The following COL14A1 variants were observed in gnomAD, a reference collection of about 807,000 sequenced individuals.
COL14A1 encodes the protein collagen alpha-1(XIV) chain.
A neutral mutation model predicts 230.3 loss-of-function variants in COL14A1; 136 were observed. The ratio of observed to expected loss-of-function variants is 0.59; its 90% confidence interval spans 0.51 to 0.68. The LOEUF (loss-of-function observed/expected upper bound fraction) is 0.68. COL14A1 is among the 30% of genes least tolerant of loss of function. The pLI, the probability that COL14A1 is intolerant of heterozygous loss-of-function variation, is 0.00. For synonymous variants in COL14A1, 792 were observed against 784.1 expected (o/e 1.01, Z -0.17); for missense variants, 1,976 against 2,215.8 (o/e 0.89, Z 2.17).
chr8:120,217,314 G>A (rs1817784753), intron 14 of COL14A1, among the ~76,000 whole-genome samples: 1 of 152,144 alleles, frequency 6.6e-6, no homozygotes, highest in Non-Finnish European at 1.5e-5. Flanking sequence ...TAAAACCCAT[G>A]AAGATACAGT....
chr8:120,211,150 A>G (rs748279524), intron 12 of COL14A1, among the ~76,000 whole-genome samples: 9 of 152,174 alleles, frequency 5.9e-5, no homozygotes, highest in Non-Finnish European at 8.8e-5. Flanking sequence ...TTGAAGATAT[A>G]TACTACTTTT....
chr8:120,345,603 T>G lies in COL14A1; in HGVS notation c.5077+40T>G, dbSNP rs772030014. The G allele has an allele frequency of 4.1e-6, 6 of 1,462,860 alleles. No individual in the cohort carries two copies. The African/African-American group carries it at 7.3e-5, about 18-fold the overall frequency. 90.6% of individuals were successfully genotyped at this position (1,462,860 alleles called of 1,614,324 possible). A position where few individuals can be genotyped will look rare whatever the true frequency, so the allele number is the denominator to read the frequency against. On this transcript the variant is annotated intron_variant, in intron 45 of 47. Coordinates refer to ENST00000297848, the MANE Select transcript of COL14A1 (RefSeq NM_021110.4). ...TTCTCTCAGAGGAACTCCTCTGAGT[T>G]GGGTGCAGGGAAGCAGAACATTATA... is the stretch of plus-strand genomic sequence containing the variant.
intron 45 of COL14A1, among the ~76,000 whole-genome samples, chr8:120,349,372 C>A (rs1822660947): frequency 6.6e-6 from 1 of 150,828 alleles, no homozygotes. Context: ...AGCAACAGAA[C>A]AAAGCTGGGT....
rs1277909704 is a variant in COL14A1 at position 120,132,422 on chromosome 8, G to A, written c.-38+7082G>A. Among the ~76,000 whole-genome samples the A allele has an allele frequency of 1.2e-3, 179 of 152,200 alleles. 1 individual carries two copies. Among genetic ancestry groups the A allele is most frequent in the Non-Finnish European group, 7.4e-5 (5 of 67,984 alleles). ...AACCTGTTCCGTTTTCTGTGTGTTT[G>A]TTTTTGTACCAGTACCATGCTTTTT... On this transcript the variant is annotated intron_variant, in intron 1 of 47. Transcript: ENST00000297848.
At chr8:120,169,659 C>T (rs1364160342) in intron 5 of COL14A1, among the ~76,000 whole-genome samples, 1 of 151,758 alleles carries the variant, frequency 6.6e-6, no homozygotes, top group East Asian at 1.9e-4. Context: ...CTTTATTCAT[C>T]TTTTTGATAA....
At chr8:120,338,665 G>A (rs903261670) in intron 42 of COL14A1, among the ~76,000 whole-genome samples, 8 of 152,160 alleles carry the variant, frequency 5.3e-5, no homozygotes, top group Non-Finnish European at 8.8e-5. Context: ...CTGTTATAAG[G>A]TTTAGCTGAG....
chr8:120,220,562 G>A (rs769436411), intron 14 of COL14A1, among the ~76,000 whole-genome samples: 9 of 152,022 alleles, frequency 5.9e-5, no homozygotes, highest in Non-Finnish European at 8.8e-5. Context: ...GTGAGCCACC[G>A]CGCCCAGCCC....
Position 120,199,432 on chromosome 8 carries a change from G to C in COL14A1, c.743G>C (p.Ser248Thr). ...GCTTTGAACTACATTTTTGAAAATA[G>C]CTTCAAACCAGAAGCAGGATCAAGG... ...GLALNYIFEN[S>T]FKPEAGSRTG... is the part of the protein sequence containing the mutation. Residue 248 changes from serine (S) to threonine (T), a missense_variant, in exon 8 of 48, where the codon AGC (serine) becomes ACC (threonine). Transcript: ENST00000297848. 1 of 1,603,730 alleles carries C rather than the reference G, an allele frequency of 6.2e-7. No individual in the cohort carries two copies. The highest frequency in any genetic ancestry group is 8.5e-7 in the Non-Finnish European group (1 of 1,177,068).
intron 8 of COL14A1, among the ~76,000 whole-genome samples, chr8:120,200,715 TTATA>T (rs34177030): frequency 0.013 from 1,124 of 84,936 alleles, 1 homozygote; most frequent in Non-Finnish European, 0.017. Flanking sequence ...GTTTTCCTAT[TTATA>T]TATATATATA....
At chr8:120,183,968 C>T (rs767931083) in intron 5 of COL14A1, among the ~76,000 whole-genome samples, 2 of 152,132 alleles carry the variant, frequency 1.3e-5, no homozygotes, top group Admixed American at 1.3e-4. Context: ...AGCTTTTCCA[C>T]TTGCTCAGTG....
chr8:120,145,618 AAAAC>A (rs555834460), intron 1 of COL14A1, among the ~76,000 whole-genome samples: 10 of 152,158 alleles, frequency 6.6e-5, no homozygotes, highest in East Asian at 1.9e-4. Flanking sequence ...ACTCTGTCTC[AAAAC>A]AAACAAACAA....
intron 45 of COL14A1, among the ~76,000 whole-genome samples, chr8:120,359,486 T>C (rs1194170681): frequency 6.6e-6 from 1 of 152,166 alleles, no homozygotes; most frequent in Non-Finnish European, 1.5e-5. Context: ...AAGACCAAGC[T>C]CCAATTTAAA....
chr8:120,217,440 G>T (rs1318776067), intron 14 of COL14A1, among the ~76,000 whole-genome samples: 1 of 152,094 alleles, frequency 6.6e-6, no homozygotes, highest in Non-Finnish European at 1.5e-5. Context: ...GTAAGCTAAG[G>T]CAAAGAAGGA....
intron 25 of COL14A1, among the ~76,000 whole-genome samples, chr8:120,267,612 A>C (rs1428613217): frequency 1.3e-5 from 2 of 151,864 alleles, no homozygotes; most frequent in Non-Finnish European, 2.9e-5. Context: ...CATTTTGAAG[A>C]ATGAGTTTGA....
chr8:120,130,778 A>G (rs558512471), intron 1 of COL14A1, among the ~76,000 whole-genome samples: 19 of 152,316 alleles, frequency 1.2e-4, no homozygotes, highest in Admixed American at 1.2e-3. Context: ...ACATAGGTAT[A>G]TGTGTCATGC....
intron 14 of COL14A1, among the ~76,000 whole-genome samples, chr8:120,218,402 C>T (rs909582678): frequency 1.1e-4 from 17 of 150,958 alleles, no homozygotes; most frequent in African/African-American, 2.9e-4. Flanking sequence ...CTTTACCTCC[C>T]GAATTCAAGT....
At chr8:120,185,380 G>A (rs962319539) in intron 5 of COL14A1, among the ~76,000 whole-genome samples, 1 of 152,272 alleles carries the variant, frequency 6.6e-6, no homozygotes, top group African/African-American at 2.4e-5. Context: ...TGGGTGCAGT[G>A]GAGGTGGCTC....
intron 5 of COL14A1, among the ~76,000 whole-genome samples, chr8:120,175,988 C>G (rs563955899): frequency 1.3e-5 from 2 of 152,258 alleles, no homozygotes; most frequent in South Asian, 4.1e-4. Context: ...TGAGAACTCT[C>G]AGGAGTTAGT....
intron 45 of COL14A1, among the ~76,000 whole-genome samples, chr8:120,348,549 T>A (rs558072414): frequency 5.3e-5 from 8 of 152,102 alleles, no homozygotes; most frequent in African/African-American, 1.9e-4. Flanking sequence ...GGGAAGTGGG[T>A]GAGGGATAAA....
Sources: gnomAD v4.1 joint callset for allele counts (sites outside exome capture counted in the v4.1 genomes callset) on GRCh38, gnomAD v4.1.1 for gene constraint, MANE v1.5 for transcripts, NCBI Gene and HGNC (gene_info 2026-07-23, HGNC 2026-07-21) for gene names.